ASIC2: variants seen among roughly 807,000 people sequenced by gnomAD.
ASIC2 encodes the protein acid sensing ion channel subunit 2, also known as acid-sensing ion channel 2.
A neutral mutation model predicts 57.3 loss-of-function variants in ASIC2; 25 were observed. The observed-to-expected ratio is 0.44, with a 90% CI of 0.32 to 0.61. The LOEUF (loss-of-function observed/expected upper bound fraction) is 0.61. ASIC2 is among the 20% of genes least tolerant of loss of function. The pLI is 0.06. For missense variants in ASIC2, 641 were observed against 738.1 expected (o/e 0.87, Z 1.52); for synonymous variants, 319 against 307.5 (o/e 1.04, Z -0.39).
At chr17:33,202,017 C>CAAAAAAAAAA (rs55724157) in intron 1 of ASIC2, among the ~76,000 whole-genome samples, 18 of 92,194 alleles carry the variant, frequency 2.0e-4, no homozygotes, top group Non-Finnish European at 3.4e-4. Context: ...GAGACTGTCT[C>CAAAAAAAAAA]AAAAAAAAAA....
At chr17:34,154,200 T>A (rs569765720) in intron 1 of ASIC2, among the ~76,000 whole-genome samples, 149 of 152,316 alleles carry the variant, frequency 9.8e-4, no homozygotes, top group African/African-American at 3.5e-3. Context: ...GGTGCAGTGG[T>A]GAAGCCGAGC....
chr17:33,512,891 C>T (rs919185453), intron 1 of ASIC2, among the ~76,000 whole-genome samples: 6 of 152,224 alleles, frequency 3.9e-5, no homozygotes, highest in African/African-American at 1.2e-4. Flanking sequence ...CTGTCAGTGC[C>T]AGCTGGTAGC....
Position 33,164,761 on chromosome 17 carries a change from G to A in ASIC2, c.709-52694C>T, listed in dbSNP as rs11649814. Among the ~76,000 whole-genome samples the A allele has an allele frequency of 9.0e-3, 1,365 of 152,288 alleles. 10 individuals carry two copies. The highest frequency in any genetic ancestry group is 0.015 in the Non-Finnish European group (1,025 of 68,028). On this transcript the variant is annotated intron_variant, in intron 1 of 9. Coordinates refer to ENST00000225823, the MANE Select transcript of ASIC2 (RefSeq NM_183377.2). ...GTCAGGCCCTGTCCTGGAACTGCCC[G>A]TGGGTGATCTTCCAAGGCAAAGGAC...
intron 1 of ASIC2, among the ~76,000 whole-genome samples, chr17:34,029,149 CTTTA>C (rs1907491052): frequency 6.6e-6 from 1 of 152,054 alleles, no homozygotes; most frequent in Admixed American, 6.5e-5. Context: ...CATTCCTTTA[CTTTA>C]TTTGTTTTCA....
intron 1 of ASIC2, among the ~76,000 whole-genome samples, chr17:33,748,668 C>A (rs1292379583): frequency 6.6e-6 from 1 of 152,168 alleles, no homozygotes; most frequent in African/African-American, 2.4e-5. Flanking sequence ...CCACCTCCCA[C>A]CTTCTGGGCC....
chr17:33,438,364 T>C (rs1440278233), intron 1 of ASIC2, among the ~76,000 whole-genome samples: 3 of 152,162 alleles, frequency 2.0e-5, no homozygotes, highest in Admixed American at 1.3e-4. Flanking sequence ...CTTCGTTACA[T>C]AGACAGTCCA....
chr17:33,832,928 G>T (rs1913158551), intron 1 of ASIC2, among the ~76,000 whole-genome samples: 1 of 152,124 alleles, frequency 6.6e-6, no homozygotes, highest in African/African-American at 2.4e-5. Flanking sequence ...TTAGAATATG[G>T]ACAAGTAAAA....
At chr17:33,516,658 G>A (rs1914581835) in intron 1 of ASIC2, among the ~76,000 whole-genome samples, 1 of 152,182 alleles carries the variant, frequency 6.6e-6, no homozygotes, top group African/African-American at 2.4e-5. Context: ...CGGAACAACT[G>A]GTGTTGGGAA....
At chr17:33,472,763 G>A (rs2141920665) in intron 1 of ASIC2, among the ~76,000 whole-genome samples, 1 of 152,322 alleles carries the variant, frequency 6.6e-6, no homozygotes, top group Admixed American at 6.5e-5. Context: ...ACAGGGGCCA[G>A]GAAGGAGGTG....
At chr17:33,607,936 G>A (rs532297846) in intron 1 of ASIC2, among the ~76,000 whole-genome samples, 3 of 152,274 alleles carry the variant, frequency 2.0e-5, no homozygotes, top group African/African-American at 7.2e-5. Flanking sequence ...CAACCTAAAG[G>A]AAGTGTTCAA....
intron 1 of ASIC2, among the ~76,000 whole-genome samples, chr17:34,042,667 C>T (rs919674366): frequency 3.3e-5 from 5 of 152,010 alleles, no homozygotes; most frequent in African/African-American, 9.7e-5. Context: ...CATATATATC[C>T]GAACTTATCA....
intron 3 of ASIC2, among the ~76,000 whole-genome samples, chr17:33,032,745 G>A (rs188108381): frequency 1.1e-4 from 16 of 152,244 alleles, no homozygotes; most frequent in African/African-American, 3.6e-4. Flanking sequence ...ACTGTGACTG[G>A]TCACACTGTT....
intron 1 of ASIC2, among the ~76,000 whole-genome samples, chr17:33,372,145 T>C (rs951502154): frequency 2.0e-5 from 3 of 152,088 alleles, no homozygotes; most frequent in Non-Finnish European, 2.9e-5. Context: ...GCTCAAATAC[T>C]TCCTGCTGCG....
At chr17:33,904,210 A>C (rs1355431190) in intron 1 of ASIC2, among the ~76,000 whole-genome samples, 1 of 149,984 alleles carries the variant, frequency 6.7e-6, no homozygotes, top group Non-Finnish European at 1.5e-5. Context: ...TGATGATGAG[A>C]AAAGATGGAG....
chr17:33,370,889 G>A (rs916613060), intron 1 of ASIC2, among the ~76,000 whole-genome samples: 14 of 152,180 alleles, frequency 9.2e-5, no homozygotes, highest in Admixed American at 3.3e-4. Flanking sequence ...AGGCAAGTCC[G>A]CAGTGCAAAG....
chr17:33,260,234 C>G (rs1211169770), intron 1 of ASIC2, among the ~76,000 whole-genome samples: 1 of 152,152 alleles, frequency 6.6e-6, no homozygotes, highest in Non-Finnish European at 1.5e-5. Flanking sequence ...GCCCCTGAAT[C>G]CAGGACTCTT....
intron 1 of ASIC2, among the ~76,000 whole-genome samples, chr17:34,044,720 G>A (rs917780432): frequency 1.3e-5 from 2 of 152,166 alleles, no homozygotes; most frequent in Non-Finnish European, 1.5e-5. Flanking sequence ...TGGAGTTGAA[G>A]GAACGGTGCC....
At chr17:33,879,761 G>T (rs1022169594) in intron 1 of ASIC2, among the ~76,000 whole-genome samples, 1 of 152,180 alleles carries the variant, frequency 6.6e-6, no homozygotes, top group Non-Finnish European at 1.5e-5. Flanking sequence ...GGACCTTGTA[G>T]ACATCTACAG....
At chr17:33,948,605 G>T (rs1904459443) in intron 1 of ASIC2, among the ~76,000 whole-genome samples, 1 of 152,224 alleles carries the variant, frequency 6.6e-6, no homozygotes, top group East Asian at 1.9e-4. Flanking sequence ...CACAGAGAAG[G>T]CGTGAGGACT....
Sources: gnomAD v4.1 joint callset for allele counts (sites outside exome capture counted in the v4.1 genomes callset) on GRCh38, gnomAD v4.1.1 for gene constraint, MANE v1.5 for transcripts, NCBI Gene and HGNC (gene_info 2026-07-23, HGNC 2026-07-21) for gene names.